ANKRD29: variants seen among roughly 807,000 people sequenced by gnomAD.
ANKRD29 encodes the protein ankyrin repeat domain-containing protein 29.
In ANKRD29, 32 loss-of-function variants were observed where a neutral mutation model predicts 38.0. That is an observed-to-expected ratio of 0.84 (90% confidence interval 0.64 to 1.13). ANKRD29 has a LOEUF of 1.13. Ranked by LOEUF, ANKRD29 falls within the 50% of genes most tolerant of loss-of-function variation. ANKRD29 has a pLI of 0.00. For synonymous variants in ANKRD29, 135 were observed against 152.4 expected (o/e 0.89, Z 0.84); for missense variants, 357 against 377.9 (o/e 0.94, Z 0.46).
chr18:23,607,196 G>A (rs1210364227), intron 9 of ANKRD29, among the ~76,000 whole-genome samples: 4 of 152,224 alleles, frequency 2.6e-5, no homozygotes, highest in Admixed American at 6.5e-5. Context: ...CCTGGATGCC[G>A]ATGCTGGATT....
At chr18:23,650,926 A>G (rs910943249) in intron 1 of ANKRD29, among the ~76,000 whole-genome samples, 3 of 152,244 alleles carry the variant, frequency 2.0e-5, no homozygotes, top group African/African-American at 7.2e-5. Flanking sequence ...GTTTAATGAA[A>G]GCATTTTTTG....
At chr18:23,645,828 T>C (rs778914821) in intron 3 of ANKRD29, among the ~76,000 whole-genome samples, 6 of 152,140 alleles carry the variant, frequency 3.9e-5, no homozygotes, top group Non-Finnish European at 5.9e-5. Flanking sequence ...ACAAATAGGC[T>C]GGTGACTCAA....
intron 8 of ANKRD29, among the ~76,000 whole-genome samples, chr18:23,616,578 GTATA>G (rs60639633): frequency 0.01 from 1,382 of 133,026 alleles, 36 homozygotes; most frequent in African/African-American, 0.037. Flanking sequence ...TATATATACA[GTATA>G]TATATATATA....
intron 9 of ANKRD29, among the ~76,000 whole-genome samples, chr18:23,605,782 C>A (rs1273887410): frequency 6.6e-6 from 1 of 152,088 alleles, no homozygotes; most frequent in Non-Finnish European, 1.5e-5. Context: ...CTGCCTCGGC[C>A]TCCCAAAGTG....
intron 8 of ANKRD29, among the ~76,000 whole-genome samples, chr18:23,615,996 C>A (rs182926811): frequency 5.1e-4 from 77 of 149,692 alleles, no homozygotes; most frequent in Admixed American, 1.2e-3. Context: ...GCATACTCTA[C>A]ACATACCGTA....
intron 4 of ANKRD29, among the ~76,000 whole-genome samples, chr18:23,634,813 C>G (rs1009600197): frequency 3.3e-5 from 5 of 152,170 alleles, no homozygotes; most frequent in African/African-American, 4.8e-5. Flanking sequence ...CTTGTCAGTT[C>G]TTGGAATCAT....
intron 4 of ANKRD29, among the ~76,000 whole-genome samples, chr18:23,637,258 C>T (rs898079304): frequency 6.6e-6 from 1 of 152,024 alleles, no homozygotes; most frequent in Admixed American, 6.6e-5. Flanking sequence ...AGAAAATAAA[C>T]TAATAATGTA....
intron 8 of ANKRD29, among the ~76,000 whole-genome samples, chr18:23,617,416 GTTC>G (rs2059738228): frequency 2.0e-5 from 3 of 152,034 alleles, no homozygotes; most frequent in South Asian, 4.1e-4. Context: ...ATAAGTGTCT[GTTC>G]TTCTTCCTTG....
intron 1 of ANKRD29, among the ~76,000 whole-genome samples, chr18:23,661,347 T>TATC (rs2060357952): frequency 6.6e-6 from 1 of 152,154 alleles, no homozygotes; most frequent in Non-Finnish European, 1.5e-5. Context: ...CCTCAAAATT[T>TATC]ATCCCAAACC....
intron 5 of ANKRD29, 36 bp downstream of exon 5, chr18:23,634,015 G>A (rs1372194351): frequency 6.3e-7 from 1 of 1,598,004 alleles, no homozygotes; most frequent in Non-Finnish European, 8.6e-7. Flanking sequence ...TGTATGTGAT[G>A]AGAAATGTCC....
chr18:23,599,521 T>C lies in ANKRD29; in HGVS notation c.*1705A>G, dbSNP rs1175833787. On this transcript the variant is annotated 3_prime_UTR_variant, in exon 10 of 10. Coordinates refer to ENST00000592179, the MANE Select transcript of ANKRD29 (RefSeq NM_173505.4). ...ATACAAAGCATTTAATGCCATATTA[T>C]TTTCCTCTTCAAAATGAATATAGCT... 1.3e-5 allele frequency: 2 copies of C among 152,250 alleles called. No homozygotes were observed. Among genetic ancestry groups the C allele is most frequent in the African/African-American group, 4.8e-5 (2 of 41,468 alleles). The allele number at this position is 152,250 out of a possible 1,614,324, so 9.4% of individuals were successfully genotyped here.
At chr18:23,619,286 C>G (rs1025898898) in intron 7 of ANKRD29, 1 of 473,696 alleles carries the variant, frequency 2.1e-6, no homozygotes, top group African/African-American at 2.1e-5. Context: ...AGGCGGGAGG[C>G]CCCGTCTCTA....
rs112423267 is a variant in ANKRD29 at position 23,638,648 on chromosome 18, G to C, written c.330+201C>G. 1.1e-3 allele frequency among the ~76,000 whole-genome samples: 163 copies of C among 152,324 alleles called. 5 individuals are homozygous for C. The South Asian group carries it at 0.022, about 21-fold the overall frequency. ...ATAAAATTTTCCAATTGTGAGCCCA[G>C]AGTAAAAATGTAACGTTTTGAATAG... On this transcript the variant is annotated intron_variant, in intron 4 of 9. Transcript: ENST00000592179.
intron 6 of ANKRD29, among the ~76,000 whole-genome samples, chr18:23,624,521 G>T (rs551396352): frequency 4.2e-5 from 5 of 118,984 alleles, no homozygotes; most frequent in Non-Finnish European, 8.8e-5. Context: ...CATTTAGCCT[G>T]AAGAAGAATG....
chr18:23,646,143 A>C (rs1018539082), intron 3 of ANKRD29, 46 bp downstream of exon 3: 1 of 1,574,406 alleles, frequency 6.4e-7, no homozygotes, highest in Non-Finnish European at 8.7e-7. Context: ...AAAACTTCAG[A>C]TCTCTGAGCC....
At chr18:23,652,322 G>A (rs190259814) in intron 1 of ANKRD29, among the ~76,000 whole-genome samples, 9 of 152,294 alleles carry the variant, frequency 5.9e-5, no homozygotes, top group East Asian at 1.9e-4. Context: ...TTACAGATGA[G>A]GAAAGTGAGA....
intron 6 of ANKRD29, among the ~76,000 whole-genome samples, chr18:23,624,172 T>A (rs2059830547): frequency 2.0e-5 from 3 of 151,556 alleles, no homozygotes; most frequent in Admixed American, 2.0e-4. Context: ...GCACTTTTTT[T>A]AAAAAGGTAA....
chr18:23,650,431 A>T lies in ANKRD29; in HGVS notation c.22-1238T>A, dbSNP rs140235331. 7.6e-3 allele frequency among the ~76,000 whole-genome samples: 1,155 copies of T among 152,358 alleles called. 11 individuals carry two copies. Among genetic ancestry groups the T allele is most frequent in the Middle Eastern group, 0.014 (4 of 294 alleles). ...AGTGCTGGGATTACAGGCGTGAGCC[A>T]CTGCACTGGGCCTACTGGGTTATTT... On this transcript the variant is annotated intron_variant, in intron 1 of 9. Transcript: ENST00000592179.
intron 5 of ANKRD29, among the ~76,000 whole-genome samples, chr18:23,632,533 G>GTGTATATATATA (rs371646966): frequency 6.1e-5 from 8 of 130,902 alleles, no homozygotes; most frequent in Non-Finnish European, 1.1e-4. Context: ...GTGTGTGTGT[G>GTGTATATATATA]TATATATATA....
Sources: gnomAD v4.1 joint callset for allele counts (sites outside exome capture counted in the v4.1 genomes callset) on GRCh38, gnomAD v4.1.1 for gene constraint, MANE v1.5 for transcripts, NCBI Gene and HGNC (gene_info 2026-07-23, HGNC 2026-07-21) for gene names.